DCUN1D4: variants seen among roughly 807,000 people sequenced by gnomAD.
DCUN1D4 encodes the protein DCN1-like protein 4.
A neutral mutation model predicts 47.9 loss-of-function variants in DCUN1D4; 22 were observed. The ratio of observed to expected loss-of-function variants is 0.46; its 90% confidence interval spans 0.33 to 0.66. The LOEUF is 0.66. Among genes scored for constraint, DCUN1D4 ranks in the 30% least tolerant of loss-of-function variants. DCUN1D4 has a pLI of 0.02. For missense variants in DCUN1D4, 301 were observed against 340.8 expected (o/e 0.88, Z 0.92); for synonymous variants, 121 against 112.2 (o/e 1.08, Z -0.50).
At chr4:51,876,629 C>G (rs972888986) in intron 4 of DCUN1D4, among the ~76,000 whole-genome samples, 4 of 151,966 alleles carry the variant, frequency 2.6e-5, no homozygotes, top group Non-Finnish European at 5.9e-5. Context: ...CTGCACAAGT[C>G]TACTTCTGTG....
rs1469042642 is a variant in DCUN1D4, at chr4:51,860,614, T to C, written c.26-2823T>C. 1.5e-5 allele frequency: 7 copies of C among 455,304 alleles called. No homozygotes were observed. The Admixed American group carries it at 1.6e-4, about 11-fold the overall frequency. 28.2% of individuals were successfully genotyped at this position (455,304 alleles called of 1,614,324 possible). On this transcript the variant is annotated intron_variant, in intron 1 of 10. Coordinates refer to ENST00000334635, the MANE Select transcript of DCUN1D4 (RefSeq NM_001040402.3). ...TCTTACAATCGTGGAGGAAGGTGAA[T>C]GGAGAGCAGGCACACCACATGGCGA... is the stretch of plus-strand genomic sequence containing the variant.
chr4:51,837,032 T>C, the DCUN1D4 span, among the ~76,000 whole-genome samples: 1 of 152,222 alleles, frequency 6.6e-6, no homozygotes, highest in Non-Finnish European at 1.5e-5. Flanking sequence ...GCTGGAGTAA[T>C]TGAAACAATG....
chr4:51,836,724 G>C, the DCUN1D4 span, among the ~76,000 whole-genome samples: 6 of 152,130 alleles, frequency 3.9e-5, no homozygotes, highest in Non-Finnish European at 7.3e-5. Flanking sequence ...AAGGAAGTGA[G>C]CACATATTTT....
intron 1 of DCUN1D4, among the ~76,000 whole-genome samples, chr4:51,855,369 A>G (rs968966589): frequency 1.3e-5 from 2 of 152,252 alleles, no homozygotes; most frequent in Admixed American, 6.5e-5. Flanking sequence ...AGTGAATTCC[A>G]TGCTATGTGA....
At chr4:51,860,682 C>T in intron 1 of DCUN1D4, 1 of 453,916 alleles carries the variant, frequency 2.2e-6, no homozygotes, top group South Asian at 1.6e-5. Context: ...AGGTGCCACA[C>T]ACTTTTAAAT....
intron 1 of DCUN1D4, among the ~76,000 whole-genome samples, chr4:51,858,408 A>AAGGGGAAGATG (rs1355357561): frequency 2.0e-5 from 3 of 152,166 alleles, no homozygotes; most frequent in African/African-American, 7.2e-5. Flanking sequence ...TAGAATGAAC[A>AAGGGGAAGATG]AGGGGAAGAT....
chr4:51,899,591 A>G (rs1436955891), intron 8 of DCUN1D4, among the ~76,000 whole-genome samples: 1 of 152,240 alleles, frequency 6.6e-6, no homozygotes, highest in Non-Finnish European at 1.5e-5. Flanking sequence ...CTCTAGTGGC[A>G]GACGTTTACT....
rs940028894 is a variant in DCUN1D4 at position 51,863,698 on chromosome 4, A to G, written c.125A>G (p.Asp42Gly). The G allele has an allele frequency of 6.2e-7, 1 of 1,613,368 alleles. No individual in the cohort carries two copies. Among genetic ancestry groups the G allele is most frequent in the Admixed American group, 1.7e-5 (1 of 59,862 alleles). ...LNLTEDIGQD[D>G]HQTGSLRSCS... is the part of the protein sequence containing the mutation. ...CTAACAGAAGACATTGGCCAAGACGATCACCAAACAGGTATCTGTAAATGC... is the reference window on the plus strand; with the variant it reads ...CTAACAGAAGACATTGGCCAAGACGGTCACCAAACAGGTATCTGTAAATGC... The change falls in exon 3 of 11, where the codon GAT becomes GGT. Residue 42 changes from aspartate (D) to glycine (G), a missense_variant. Coordinates refer to ENST00000334635, the MANE Select transcript of DCUN1D4 (RefSeq NM_001040402.3).
chr4:51,841,125 A>C (rs1721624981), upstream of DCUN1D4, among the ~76,000 whole-genome samples: 1 of 152,222 alleles, frequency 6.6e-6, no homozygotes, highest in Admixed American at 6.5e-5. Flanking sequence ...TTAATAGAGC[A>C]AATGACTAGC....
At chr4:51,907,542 G>T (rs141185728) in intron 8 of DCUN1D4, among the ~76,000 whole-genome samples, 3 of 152,236 alleles carry the variant, frequency 2.0e-5, no homozygotes, top group Non-Finnish European at 4.4e-5. Flanking sequence ...TTGATTTCAT[G>T]TACCAATTTC....
chr4:51,911,396 G>A (rs1733699925), intron 9 of DCUN1D4, among the ~76,000 whole-genome samples: 1 of 152,094 alleles, frequency 6.6e-6, no homozygotes, highest in African/African-American at 2.4e-5. Flanking sequence ...AAATGCATCC[G>A]AAACAGCCAC....
At chr4:51,850,281 C>T (rs1032916329) in intron 1 of DCUN1D4, among the ~76,000 whole-genome samples, 1 of 152,140 alleles carries the variant, frequency 6.6e-6, no homozygotes, top group East Asian at 1.9e-4. Flanking sequence ...CTTTGCCGCA[C>T]AGAAGTGTCT....
chr4:51,904,183 T>C (rs892896049), intron 8 of DCUN1D4, among the ~76,000 whole-genome samples: 3 of 152,174 alleles, frequency 2.0e-5, no homozygotes, highest in African/African-American at 7.2e-5. Context: ...TTGGAAGGGC[T>C]GTCCAAAGCA....
rs1577943737 is a variant in DCUN1D4, at chr4:51,876,692, C to T, written c.252-1071C>T. On this transcript the variant is annotated intron_variant, in intron 4 of 10. Transcript: ENST00000334635. ...AAATATACTATTGAGGGATGTGAAACCCCACCTGTATGGAGCACTGACTTT... is the reference window on the plus strand; with the variant it reads ...AAATATACTATTGAGGGATGTGAAATCCCACCTGTATGGAGCACTGACTTT... 5.9e-5 allele frequency among the ~76,000 whole-genome samples: 9 copies of T among 151,982 alleles called. No homozygotes were observed. In the South Asian group the frequency reaches 1.9e-3, roughly 32 times the overall value.
intron 6 of DCUN1D4, among the ~76,000 whole-genome samples, chr4:51,890,865 A>G (rs941387839): frequency 6.6e-6 from 1 of 152,220 alleles, no homozygotes; most frequent in African/African-American, 2.4e-5. Context: ...TCTTTTCTCT[A>G]AAATAGCTAA....
chr4:51,859,415 C>A (rs1023953735), intron 1 of DCUN1D4, among the ~76,000 whole-genome samples: 5 of 151,980 alleles, frequency 3.3e-5, no homozygotes, highest in Admixed American at 1.3e-4. Context: ...CTGTTTCTAA[C>A]CCTCTTATGA....
chr4:51,834,153 A>G, the DCUN1D4 span, among the ~76,000 whole-genome samples: 2 of 99,536 alleles, frequency 2.0e-5, no homozygotes, highest in African/African-American at 1.1e-4. Context: ...TGCAAGGGGT[A>G]ATATCTTAAC....
intron 6 of DCUN1D4, among the ~76,000 whole-genome samples, chr4:51,887,563 A>T (rs1729705595): frequency 6.6e-6 from 1 of 152,240 alleles, no homozygotes. Flanking sequence ...ATGCTTATAC[A>T]CATGCCCTGC....
At chr4:51,874,056 T>A (rs531649238) in intron 3 of DCUN1D4, among the ~76,000 whole-genome samples, 38 of 152,344 alleles carry the variant, frequency 2.5e-4, no homozygotes, top group Admixed American at 6.5e-4. Context: ...TGATTTGGGT[T>A]GGTGGAAGTA....
Sources: gnomAD v4.1 joint callset for allele counts (sites outside exome capture counted in the v4.1 genomes callset) on GRCh38, gnomAD v4.1.1 for gene constraint, MANE v1.5 for transcripts, NCBI Gene and HGNC (gene_info 2026-07-23, HGNC 2026-07-21) for gene names.